Variants in FAM13B observed in about 807,000 individuals in gnomAD.
The protein encoded by FAM13B is protein FAM13B.
A neutral mutation model predicts 117.3 loss-of-function variants in FAM13B; 60 were observed. The observed-to-expected ratio is 0.51, with a 90% CI of 0.42 to 0.63. FAM13B has a LOEUF of 0.63. FAM13B is among the 30% of genes least tolerant of loss of function. FAM13B has a pLI of 0.00. For synonymous variants in FAM13B, 332 were observed against 356.1 expected (o/e 0.93, Z 0.76); for missense variants, 972 against 1,091.9 (o/e 0.89, Z 1.55).
At chr5:137,968,258 T>G (rs1034098563) in intron 10 of FAM13B, among the ~76,000 whole-genome samples, 1 of 142,204 alleles carries the variant, frequency 7.0e-6, no homozygotes, top group East Asian at 2.0e-4. Context: ...AAAGTCACAA[T>G]GTAAGTTTCC....
chr5:137,946,113 C>T, intron 19 of FAM13B, 115 bp downstream of exon 19: 1 of 1,223,096 alleles, frequency 8.2e-7, no homozygotes, highest in Non-Finnish European at 1.2e-6. Flanking sequence ...TAGGCAATCC[C>T]CCAATTGTAG....
intron 1 of FAM13B, 50 bp downstream of exon 1, chr5:138,032,732 G>A (rs1449644243): frequency 2.0e-6 from 2 of 985,694 alleles, no homozygotes; most frequent in East Asian, 1.1e-4. Flanking sequence ...GGGCCGCGGC[G>A]ACCTGCAACC....
At chr5:137,965,060 G>A (rs1292101450) in intron 10 of FAM13B, among the ~76,000 whole-genome samples, 1 of 152,080 alleles carries the variant, frequency 6.6e-6, no homozygotes, top group Non-Finnish European at 1.5e-5. Flanking sequence ...AGCTACTCAG[G>A]AGGCTGAGGC....
intron 7 of FAM13B, among the ~76,000 whole-genome samples, chr5:138,002,741 C>T (rs916314055): frequency 7.0e-6 from 1 of 142,554 alleles, no homozygotes; most frequent in African/African-American, 2.6e-5. Context: ...TCTCGGCTCA[C>T]TGCAAGCTCT....
At chr5:138,007,974 A>T (rs1383468979) in intron 6 of FAM13B, among the ~76,000 whole-genome samples, 1 of 152,352 alleles carries the variant, frequency 6.6e-6, no homozygotes, top group South Asian at 2.1e-4. Context: ...CAATAGAAAT[A>T]TCTAGAATAA....
chr5:137,973,701 C>T (rs1204225431), intron 10 of FAM13B, among the ~76,000 whole-genome samples: 5 of 149,788 alleles, frequency 3.3e-5, no homozygotes, highest in Middle Eastern at 3.2e-3. Context: ...TCACAACCTA[C>T]TCATCTGACA....
At chr5:138,011,319 C>T (rs1581246004) in intron 5 of FAM13B, among the ~76,000 whole-genome samples, 170 bp from the exon 6 acceptor site, 1 of 152,172 alleles carries the variant, frequency 6.6e-6, no homozygotes, top group Non-Finnish European at 1.5e-5. Flanking sequence ...CACAAAAATG[C>T]TGTAAGAATT....
intron 1 of FAM13B, among the ~76,000 whole-genome samples, chr5:138,022,670 A>G (rs1787080290): frequency 6.6e-6 from 1 of 152,192 alleles, no homozygotes; most frequent in South Asian, 2.1e-4. Flanking sequence ...GACTTACACT[A>G]AAAGTCAAGC....
At chr5:137,954,538 G>A (rs76334807) in intron 14 of FAM13B, 162 bp from the exon 15 acceptor site, 8,603 of 79,220 alleles carry the variant, frequency 0.11, 699 homozygotes, top group African/African-American at 0.31. Context: ...ATGTGTGTGT[G>A]TATATATATA....
At chr5:138,011,974 C>A in intron 4 of FAM13B, 29 bp from the exon 5 acceptor site, 1 of 1,491,474 alleles carries the variant, frequency 6.7e-7, no homozygotes, top group Non-Finnish European at 9.1e-7. Context: ...AGGTTTTTTT[C>A]AATAAAGGAA....
intron 17 of FAM13B, among the ~76,000 whole-genome samples, chr5:137,951,411 A>G (rs992670344): frequency 2.6e-5 from 4 of 152,012 alleles, no homozygotes; most frequent in South Asian, 2.1e-4. Context: ...TAATCCCCAC[A>G]CTTTGCAAGA....
chr5:137,994,501 T>C (rs974731966), intron 7 of FAM13B, among the ~76,000 whole-genome samples: 11 of 152,224 alleles, frequency 7.2e-5, no homozygotes, highest in Admixed American at 7.2e-4. Context: ...TATATCAATA[T>C]AGTTATGCAT....
chr5:137,962,379 A>G, intron 11 of FAM13B, 26 bp downstream of exon 11: 2 of 1,604,992 alleles, frequency 1.2e-6, no homozygotes, highest in African/African-American at 2.7e-5. Context: ...CAAAATGATT[A>G]ATTAGCAACA....
Position 138,033,052 on chromosome 5 carries a change from C to A in FAM13B, c.-473G>T. 4 of 986,672 alleles carry A rather than the reference C, an allele frequency of 4.1e-6. No homozygotes were observed. Among genetic ancestry groups the A allele is most frequent in the Non-Finnish European group, 4.8e-6 (4 of 831,084 alleles). 61.1% of individuals were successfully genotyped at this position (986,672 alleles called of 1,614,324 possible). On this transcript the variant is annotated 5_prime_UTR_variant, in exon 1 of 24. Coordinates refer to ENST00000689681, the MANE Select transcript of FAM13B (RefSeq NM_001385994.1). Reference sequence around the variant, plus strand: ...GGCGGCGGCTGAGGTGCAGAGCCTCCCTAACGGCGAGCGGGAGGAGAGCGG... The same window carrying A: ...GGCGGCGGCTGAGGTGCAGAGCCTCACTAACGGCGAGCGGGAGGAGAGCGG...
intron 7 of FAM13B, among the ~76,000 whole-genome samples, chr5:138,002,757 C>A (rs1201719453): frequency 1.3e-5 from 2 of 149,538 alleles, no homozygotes; most frequent in African/African-American, 4.9e-5. Flanking sequence ...GCTCTGCCTC[C>A]CGGGTTCACG....
At chr5:137,949,899 G>T (rs901249409) in intron 17 of FAM13B, among the ~76,000 whole-genome samples, 1 of 151,968 alleles carries the variant, frequency 6.6e-6, no homozygotes, top group Non-Finnish European at 1.5e-5. Context: ...GGAGGCTCAG[G>T]CTGCAGTAAA....
At position 137,969,347 on chromosome 5, in the gene FAM13B, C is replaced by G. The variant is rs1581126537; in HGVS notation, c.1180-6878G>C. On this transcript the variant is annotated intron_variant, in intron 10 of 23. Transcript: ENST00000689681. The stretch of plus-strand genomic sequence containing the variant: ...AACTGGGAGGCACCCCCAGCAGGGG[C>G]AGACTGACACCTCACACGGCCGGGT... 1.3e-5 allele frequency among the ~76,000 whole-genome samples: 2 copies of G among 152,314 alleles called. 1 individual carries two copies.
In FAM13B at chr5:138,019,723, A is replaced by C. The variant is rs935200010; in HGVS notation, c.-35-577T>G. On this transcript the variant is annotated intron_variant, in intron 2 of 23. Transcript: ENST00000689681. ...GAGACGGAGTCTCGCTCTGTTGCCC[A>C]GGCTGCAGTGCAGTGGCATGATCTC... Among the ~76,000 whole-genome samples, 42 of 151,588 alleles carry C rather than the reference A, an allele frequency of 2.8e-4. No homozygotes were observed. The Middle Eastern group carries it at 0.01, about 37-fold the overall frequency.
intron 1 of FAM13B, among the ~76,000 whole-genome samples, chr5:138,049,948 A>G (rs1182237792): frequency 6.6e-6 from 1 of 152,090 alleles, no homozygotes; most frequent in African/African-American, 2.4e-5. Flanking sequence ...CAACAAAGTG[A>G]GCCCTTTTCT....
Sources: allele counts gnomAD v4.1 joint callset (sites outside exome capture counted in the v4.1 genomes callset), GRCh38; gene constraint gnomAD v4.1.1; transcripts MANE v1.5; gene names NCBI Gene and HGNC (gene_info 2026-07-23, HGNC 2026-07-21).